SCN8A: variants seen among roughly 807,000 people sequenced by gnomAD.
SCN8A encodes the protein sodium channel protein type 8 subunit alpha.
In SCN8A, 30 loss-of-function variants were observed where a neutral mutation model predicts 184.1. The observed-to-expected ratio is 0.16, with a 90% confidence interval of 0.12 to 0.22. The LOEUF (loss-of-function observed/expected upper bound fraction) is 0.22. SCN8A is among the 10% of genes least tolerant of loss of function. The probability of loss-of-function intolerance (pLI) is 1.00; values close to 1 mark genes in which losing one functional copy is unlikely to be tolerated. For synonymous variants in SCN8A, 852 were observed against 907.0 expected, an observed-to-expected ratio of 0.94 and a Z score of 1.09; for missense variants, 1,057 against 2,498.9, an observed-to-expected ratio of 0.42 and a Z score of 12.30.
At position 51,684,197 on chromosome 12, in the gene SCN8A, G is replaced by A. The variant is rs1456127177; in HGVS notation, c.300G>A (p.Gly100=). Residue 100 remains glycine (G), a synonymous_variant, in exon 3 of 27, where the codon GGG becomes GGA. Transcript: ENST00000627620. ...AGACCTTTGTAGTATTAAACAGAGG[G>A]AAAACTCTCTTCAGATTTAGTGCCA... ...TQKTFVVLNR[G]KTLFRFSATP... is the part of the protein sequence containing the mutation. 6.3e-7 allele frequency: 1 copy of A among 1,595,426 alleles called. No individual in the cohort carries two copies. Among genetic ancestry groups the A allele is most frequent in the Non-Finnish European group, 8.6e-7 (1 of 1,163,120 alleles).
chr12:51,680,740 G>A (rs577583816), intron 2 of SCN8A, among the ~76,000 whole-genome samples: 6 of 152,242 alleles, frequency 3.9e-5, no homozygotes, highest in African/African-American at 1.2e-4. Context: ...GGTGACTCAC[G>A]CCTTTAATCC....
intron 12 of SCN8A, among the ~76,000 whole-genome samples, chr12:51,738,394 A>G (rs569791226): frequency 3.9e-5 from 6 of 152,324 alleles, no homozygotes; most frequent in South Asian, 4.1e-4. Flanking sequence ...AACTCCAACT[A>G]TGTTCAGTTG....
At chr12:51,763,589 G>A (rs984577606) in intron 15 of SCN8A, among the ~76,000 whole-genome samples, 3 of 152,172 alleles carry the variant, frequency 2.0e-5, no homozygotes, top group African/African-American at 7.2e-5. Context: ...AGCTAAAAAG[G>A]AGTTTGTATT....
At chr12:51,774,448 C>T (rs1416137841) in intron 20 of SCN8A, 86 bp downstream of exon 20, 1 of 1,295,988 alleles carries the variant, frequency 7.7e-7, no homozygotes, top group Non-Finnish European at 1.1e-6. Flanking sequence ...AGTAGCTGCC[C>T]TGGGCCCAGG....
intron 6 of SCN8A, among the ~76,000 whole-genome samples, chr12:51,692,805 C>T (rs962251203): frequency 2.6e-5 from 4 of 152,184 alleles, no homozygotes; most frequent in African/African-American, 7.2e-5. Context: ...GTGGGAATCT[C>T]GAAAGAGTTT....
intron 5 of SCN8A, among the ~76,000 whole-genome samples, chr12:51,688,141 G>C (rs1363664156): frequency 6.6e-6 from 1 of 152,142 alleles, no homozygotes; most frequent in Non-Finnish European, 1.5e-5. Flanking sequence ...AAATTTTTAA[G>C]TGTCCTTGCT....
At chr12:51,654,471 G>C (rs1045820511) in intron 1 of SCN8A, among the ~76,000 whole-genome samples, 24 of 152,012 alleles carry the variant, frequency 1.6e-4, no homozygotes, top group African/African-American at 5.6e-4. Context: ...GAATGGTCTT[G>C]GTTCCCTTGT....
chr12:51,760,087 G>A (rs1476819822), intron 14 of SCN8A, among the ~76,000 whole-genome samples: 1 of 152,212 alleles, frequency 6.6e-6, no homozygotes, highest in African/African-American at 2.4e-5. Context: ...CTGCCCAACA[G>A]TGTTGCATTG....
intron 1 of SCN8A, among the ~76,000 whole-genome samples, chr12:51,657,868 A>G (rs1010711549): frequency 1.9e-4 from 29 of 152,120 alleles, no homozygotes; most frequent in African/African-American, 6.0e-4. Flanking sequence ...CATTTATTGA[A>G]GAAATTATCC....
In SCN8A at chr12:51,811,237, C is replaced by G. The variant is rs1017253238; in HGVS notation, c.*3808C>G. On this transcript the variant is annotated 3_prime_UTR_variant, in exon 27 of 27. Coordinates refer to ENST00000627620, the MANE Select transcript of SCN8A (RefSeq NM_001330260.2). Reference sequence around the variant, plus strand: ...AGGGAAGAGAAATCAAAGGGGCTCTCGCAAAGTTCTGGCTAAGAAGGAGAG... The same window carrying G: ...AGGGAAGAGAAATCAAAGGGGCTCTGGCAAAGTTCTGGCTAAGAAGGAGAG... The G allele has an allele frequency of 6.6e-6, 1 of 152,022 alleles. No homozygotes were observed. The highest frequency in any genetic ancestry group is 1.5e-5 in the Non-Finnish European group (1 of 68,056). The allele number at this position is 152,022 out of a possible 1,614,324, so 9.4% of individuals were successfully genotyped here. A position where few individuals can be genotyped will look rare whatever the true frequency, so the allele number is the denominator to read the frequency against.
intron 1 of SCN8A, among the ~76,000 whole-genome samples, chr12:51,650,621 A>T (rs1000757678): frequency 4.0e-5 from 6 of 151,018 alleles, no homozygotes; most frequent in Non-Finnish European, 8.8e-5. Context: ...AACTGGCCCC[A>T]AAACTGGCCA....
chr12:51,736,118 C>T (rs1418903625), intron 12 of SCN8A, among the ~76,000 whole-genome samples: 3 of 152,212 alleles, frequency 2.0e-5, no homozygotes, highest in African/African-American at 7.2e-5. Context: ...GAGAGAGATT[C>T]ATTCTTTCCA....
intron 2 of SCN8A, among the ~76,000 whole-genome samples, chr12:51,677,778 C>T (rs574436040): frequency 3.9e-5 from 6 of 152,168 alleles, no homozygotes; most frequent in East Asian, 3.8e-4. Flanking sequence ...ACTGTTCTGC[C>T]GCTCTTAATG....
chr12:51,594,555 A>G (rs1939302157), intron 1 of SCN8A, among the ~76,000 whole-genome samples: 1 of 152,232 alleles, frequency 6.6e-6, no homozygotes, highest in South Asian at 2.1e-4. Context: ...TGAATATTTA[A>G]TTCCTATGGA....
At chr12:51,733,485 G>A (rs481000) in intron 12 of SCN8A, among the ~76,000 whole-genome samples, 134,542 of 152,132 alleles carry the variant, frequency 0.88, 59,718 homozygotes, top group East Asian at 0.98. Context: ...TTTTGGAAAT[G>A]TATTTTTGCA....
At chr12:51,789,487 T>C in intron 24 of SCN8A, 69 bp downstream of exon 24, 2 of 1,498,426 alleles carry the variant, frequency 1.3e-6, no homozygotes, top group Non-Finnish European at 1.8e-6. Flanking sequence ...TGTCCCTATC[T>C]CTAGAAAGAA....
In SCN8A at chr12:51,770,519, C is replaced by T. The variant is rs373221046; in HGVS notation, c.3491-10C>T. 6 of 1,585,962 alleles carry T rather than the reference C, an allele frequency of 3.8e-6. No homozygotes were observed. The African/African-American group carries it at 8.0e-5, about 21-fold the overall frequency. ...TCCACGGTCTGACCCGCCTCTCCCG[C>T]TGGTGCCAGGTTGTGTCCAGCGGTT... On this transcript the variant is annotated splice_polypyrimidine_tract_variant and intron_variant, in intron 18 of 26. Coordinates refer to ENST00000627620, the MANE Select transcript of SCN8A (RefSeq NM_001330260.2).
chr12:51,655,983 A>G (rs1037044985), intron 1 of SCN8A, among the ~76,000 whole-genome samples: 1 of 152,212 alleles, frequency 6.6e-6, no homozygotes, highest in Non-Finnish European at 1.5e-5. Flanking sequence ...TGGCAGTTAG[A>G]CAATTCAGCC....
chr12:51,644,629 G>C (rs949929173), intron 1 of SCN8A, among the ~76,000 whole-genome samples: 2 of 152,160 alleles, frequency 1.3e-5, no homozygotes, highest in East Asian at 3.9e-4. Context: ...CCAAAGTGCC[G>C]AGATTGCAGC....
Sources: allele counts gnomAD v4.1 joint callset (sites outside exome capture counted in the v4.1 genomes callset), GRCh38; gene constraint gnomAD v4.1.1; transcripts MANE v1.5; gene names NCBI Gene and HGNC (gene_info 2026-07-23, HGNC 2026-07-21).